Variants in NBPF9 observed in about 807,000 individuals in gnomAD.
NBPF9 encodes the protein NBPF member 9.
A neutral mutation model predicts 97.8 loss-of-function variants in NBPF9; 91 were observed. The ratio of observed to expected loss-of-function variants is 0.93; its 90% CI spans 0.79 to 1.11. The LOEUF is 1.11. Ranked by LOEUF, NBPF9 falls within the 50% of genes least tolerant of loss-of-function variation. The pLI is 0.00. For synonymous variants in NBPF9, 334 were observed against 359.5 expected, an observed-to-expected ratio of 0.93 and a Z score of 0.80; for missense variants, 992 against 939.5, an observed-to-expected ratio of 1.06 and a Z score of -0.73.
intron 12 of NBPF9, among the ~76,000 whole-genome samples, chr1:149,075,450 C>A (rs1203578048): frequency 6.6e-6 from 1 of 152,148 alleles, no homozygotes; most frequent in Non-Finnish European, 1.5e-5. Context: ...TAGTCCCACC[C>A]CCACCTGATT....
At chr1:149,079,683 A>G (rs2080237156) in intron 8 of NBPF9, among the ~76,000 whole-genome samples, 1 of 151,388 alleles carries the variant, frequency 6.6e-6, no homozygotes, top group Admixed American at 6.6e-5. Flanking sequence ...ATTGAGTGAA[A>G]GAATGAGAAG....
At chr1:149,070,626 T>A (rs79160314) in intron 16 of NBPF9, among the ~76,000 whole-genome samples, 1 of 150,256 alleles carries the variant, frequency 6.7e-6, no homozygotes, top group Non-Finnish European at 1.5e-5. Context: ...CAGGGACAGA[T>A]GACTTAATCA....
At chr1:149,064,153 T>A (rs1553651031) in intron 19 of NBPF9, among the ~76,000 whole-genome samples, 1 of 137,108 alleles carries the variant, frequency 7.3e-6, no homozygotes, top group Non-Finnish European at 1.6e-5. Context: ...ATGTCCTCAA[T>A]AATTTTGCAT....
intron 7 of NBPF9, among the ~76,000 whole-genome samples, 157 bp from the exon 8 acceptor site, chr1:149,080,312 G>C (rs1338630143): frequency 5.3e-4 from 80 of 151,336 alleles, no homozygotes; most frequent in African/African-American, 1.9e-3. Context: ...TCAGTCTCCT[G>C]ACTTTCTGGC....
intron 17 of NBPF9, among the ~76,000 whole-genome samples, chr1:149,069,020 C>T (rs1422294251): frequency 1.3e-5 from 2 of 152,136 alleles, no homozygotes; most frequent in East Asian, 1.9e-4. Context: ...TCCTGAACGA[C>T]TACTGGGAAA....
chr1:149,075,729 T>C (rs1559530043), exon 12 of NBPF9: 3 of 1,604,322 alleles, frequency 1.9e-6, no homozygotes, highest in Non-Finnish European at 2.6e-6. Flanking sequence ...GTTTCTGAAC[T>C]GCTGTTTCTT....
chr1:149,076,373 T>G (rs1349139186), intron 11 of NBPF9, among the ~76,000 whole-genome samples: 2 of 151,106 alleles, frequency 1.3e-5, no homozygotes, highest in Non-Finnish European at 3.0e-5. Context: ...ATTTTTGTAT[T>G]TTTAGTAGAG....
At chr1:149,055,959 A>G in intron 29 of NBPF9, 60 bp from the exon 30 acceptor site, 25 of 1,611,830 alleles carry the variant, frequency 1.6e-5, no homozygotes, top group Non-Finnish European at 1.9e-5. Context: ...ACAGAGCCCC[A>G]CTAGATTTCA....
chr1:149,059,078 C>T lies in NBPF9; in HGVS notation c.2605G>A (p.Asp869Asn), dbSNP rs2078430768. 3 of 423,122 alleles carry T rather than the reference C, an allele frequency of 7.1e-6. No homozygotes were observed. The East Asian group carries it at 8.7e-5, about 12-fold the overall frequency. 26.2% of individuals were successfully genotyped at this position (423,122 alleles called of 1,614,324 possible). A position where few individuals can be genotyped will look rare whatever the true frequency, so the allele number is the denominator to read the frequency against. ...TGCAAGACTTCAGGCTCTTTCTCAT[C>T]CAGCAGCTCCCTGCTGAGCCTGGAA... The change falls in exon 26 of 30, where the codon GAT (aspartate) becomes AAT (asparagine). Residue 869 changes from aspartate to asparagine, a missense_variant. Physicochemically the swap from Asp to Asn is conservative, Grantham distance 23. Around this residue, in one of 11 missense-constraint regions of NBPF9, gnomAD observed 397 missense variants for 213.6 expected, o/e 1.86. Transcript: ENST00000584027.
intron 17 of NBPF9, chr1:149,065,924 C>G (rs1464240089): frequency 3.2e-6 from 2 of 620,024 alleles, no homozygotes; most frequent in Non-Finnish European, 2.8e-6. Context: ...GATGAGCCAA[C>G]TCAGGGCACC....
intron 3 of NBPF9, among the ~76,000 whole-genome samples, chr1:149,100,818 G>C (rs368901965): frequency 6.6e-6 from 1 of 151,704 alleles, no homozygotes; most frequent in Non-Finnish European, 1.5e-5. Flanking sequence ...TCCTATAGTC[G>C]CAGCTACTCA....
chr1:149,072,740 G>C, exon 14 of NBPF9: 1 of 1,611,522 alleles, frequency 6.2e-7, no homozygotes, highest in Non-Finnish European at 8.5e-7. Flanking sequence ...TTTGGACAAG[G>C]TGCTGTGCCA....
chr1:149,093,000 G>A (rs782059971), intron 4 of NBPF9, among the ~76,000 whole-genome samples: 8 of 151,532 alleles, frequency 5.3e-5, no homozygotes, highest in African/African-American at 1.7e-4. Context: ...GGGGACCGGC[G>A]TTCAGCATAC....
chr1:149,052,433 T>C (rs1182259478), downstream of NBPF9, among the ~76,000 whole-genome samples: 1 of 151,260 alleles, frequency 6.6e-6, no homozygotes, highest in African/African-American at 2.4e-5. Context: ...TCTGGTTGTG[T>C]TCCAGAGAGT....
intron 27 of NBPF9, among the ~76,000 whole-genome samples, 197 bp from the exon 28 acceptor site, chr1:149,057,704 G>GACACACACACAC (rs879952249): frequency 1.4e-3 from 38 of 27,814 alleles, no homozygotes; most frequent in Non-Finnish European, 2.4e-3. Flanking sequence ...AAGACAGATA[G>GACACACACACAC]ACACACACAC....
At chr1:149,100,883 G>A (rs1329704723) in intron 3 of NBPF9, among the ~76,000 whole-genome samples, 8 of 151,404 alleles carry the variant, frequency 5.3e-5, no homozygotes, top group Non-Finnish European at 1.2e-4. Flanking sequence ...GCAGTGAGCT[G>A]AGATCCTGCC....
chr1:149,103,122 A>T (rs1237095969), intron 1 of NBPF9, among the ~76,000 whole-genome samples, 179 bp downstream of exon 1: 80 of 152,080 alleles, frequency 5.3e-4, no homozygotes, highest in African/African-American at 1.9e-3. Flanking sequence ...GCGGCAAGCG[A>T]GGAATCGAAC....
chr1:149,097,615 C>T (rs1279504453), intron 4 of NBPF9, among the ~76,000 whole-genome samples: 3 of 152,150 alleles, frequency 2.0e-5, no homozygotes, highest in African/African-American at 4.8e-5. Context: ...TCCCCCAGGA[C>T]CTGGTGGACG....
rs782669636 is a variant in NBPF9 at position 149,056,037 on chromosome 1, T to G, written c.3093-138A>C. 8.8e-5 allele frequency: 127 copies of G among 1,449,540 alleles called. No homozygotes were observed. In the African/African-American group the frequency reaches 1.8e-3, roughly 21 times the overall value. The allele number at this position is 1,449,540 out of a possible 1,614,324, so 89.8% of individuals were successfully genotyped here. On this transcript the variant is annotated intron_variant, in intron 29 of 29. Transcript: ENST00000584027. Reference sequence around the variant, plus strand: ...CCATTAATGAGGTAAAAAAAAAAATTTATTGCCTTTATGTTGGGATAGAAC... The same window carrying G: ...CCATTAATGAGGTAAAAAAAAAAATGTATTGCCTTTATGTTGGGATAGAAC...
Sources: allele counts gnomAD v4.1 joint callset (sites outside exome capture counted in the v4.1 genomes callset), GRCh38; gene constraint gnomAD v4.1.1; regional missense constraint gnomAD v4.1.1; transcripts MANE v1.5; gene names NCBI Gene and HGNC (gene_info 2026-07-23, HGNC 2026-07-21).